Variants in FER observed in about 807,000 individuals in gnomAD.
FER encodes tyrosine-protein kinase Fer.
In FER, 63 loss-of-function variants were observed where a neutral mutation model predicts 111.0. That is an observed-to-expected ratio of 0.57 (90% confidence interval 0.46 to 0.70). FER has a LOEUF of 0.70. Among genes scored for constraint, FER ranks in the 30% least tolerant of loss-of-function variants. FER has a pLI of 0.00. For missense variants in FER, 914 were observed against 954.0 expected, an observed-to-expected ratio of 0.96 and a Z score of 0.55; for synonymous variants, 327 against 313.9, an observed-to-expected ratio of 1.04 and a Z score of -0.44.
intron 16 of FER, among the ~76,000 whole-genome samples, chr5:109,071,396 C>T (rs1054796279): frequency 1.3e-5 from 2 of 152,022 alleles, no homozygotes; most frequent in South Asian, 2.1e-4. Context: ...ATGCCCTTCT[C>T]ATTATATCAC....
At chr5:109,132,709 A>G (rs758680335) in intron 17 of FER, among the ~76,000 whole-genome samples, 2 of 152,186 alleles carry the variant, frequency 1.3e-5, no homozygotes, top group African/African-American at 4.8e-5. Flanking sequence ...ATCTCTGGGT[A>G]GAGGTTTGGA....
Position 108,798,290 on chromosome 5 carries a change from A to G in FER, c.108A>G (p.Ile36Met). 3.1e-6 allele frequency: 5 copies of G among 1,613,990 alleles called. No individual in the cohort carries two copies. The highest frequency in any genetic ancestry group is 4.2e-6 in the Non-Finnish European group (5 of 1,179,872). The change falls in exon 3 of 20, where the codon ATA (isoleucine) becomes ATG (methionine). Residue 36 changes from isoleucine to methionine, a missense_variant. Ile to Met is a conservative substitution (Grantham distance 10, BLOSUM62 1). Around this residue, in one of 3 missense-constraint regions of FER, gnomAD observed 774 missense variants for 782.6 expected, o/e 0.99. Coordinates refer to ENST00000281092, the MANE Select transcript of FER (RefSeq NM_005246.4). ...ETVKKFMALR[I>M]KSDKEYASTL... ...TAAAGAAATTTATGGCCCTGAGAAT[A>G]AAAAGTGATAAAGAATATGCATCTA...
At chr5:108,866,330 C>T (rs1374021740) in intron 5 of FER, among the ~76,000 whole-genome samples, 3 of 152,048 alleles carry the variant, frequency 2.0e-5, no homozygotes, top group Non-Finnish European at 2.9e-5. Flanking sequence ...CAGACTGTCA[C>T]AAGGACAAAA....
chr5:109,034,097 C>G (rs1770024921), intron 13 of FER, among the ~76,000 whole-genome samples: 1 of 152,172 alleles, frequency 6.6e-6, no homozygotes. Flanking sequence ...CTCCTCCCAT[C>G]TAACTGAGAC....
At chr5:108,855,699 A>G (rs1361927806) in intron 5 of FER, among the ~76,000 whole-genome samples, 1 of 152,212 alleles carries the variant, frequency 6.6e-6, no homozygotes, top group Non-Finnish European at 1.5e-5. Context: ...AGGAAGAGCA[A>G]GTGATCAACT....
intron 17 of FER, among the ~76,000 whole-genome samples, chr5:109,163,604 A>G (rs1207932222): frequency 6.6e-6 from 1 of 151,908 alleles, no homozygotes; most frequent in Non-Finnish European, 1.5e-5. Flanking sequence ...GTGATATCTC[A>G]TTGTGGTTTA....
chr5:108,847,962 G>A (rs1035100449), intron 5 of FER, among the ~76,000 whole-genome samples: 3 of 151,994 alleles, frequency 2.0e-5, no homozygotes, highest in Non-Finnish European at 2.9e-5. Context: ...ATCATAGCTC[G>A]CTGCAGCCTC....
chr5:108,909,412 C>G (rs1360180440), intron 10 of FER, among the ~76,000 whole-genome samples: 1 of 152,136 alleles, frequency 6.6e-6, no homozygotes. Flanking sequence ...GAAAGGTTTT[C>G]TCTATCACAG....
chr5:109,156,466 G>A (rs1466955981), intron 17 of FER, among the ~76,000 whole-genome samples: 3 of 151,962 alleles, frequency 2.0e-5, no homozygotes, highest in Non-Finnish European at 4.4e-5. Context: ...GAGCTATCTG[G>A]AGGCACCTAG....
chr5:109,033,058 C>G (rs191121113), intron 13 of FER, among the ~76,000 whole-genome samples: 32 of 152,278 alleles, frequency 2.1e-4, no homozygotes, highest in South Asian at 4.1e-4. Context: ...TCTGTCAACT[C>G]TATTCATTCC....
At chr5:108,868,975 A>G (rs1015629856) in intron 6 of FER, among the ~76,000 whole-genome samples, 5 of 152,018 alleles carry the variant, frequency 3.3e-5, no homozygotes, top group South Asian at 4.1e-4. Context: ...AGAGGTTGCA[A>G]ATTTTTTTGT....
intron 10 of FER, among the ~76,000 whole-genome samples, chr5:108,930,757 G>C (rs1315054132): frequency 6.7e-6 from 1 of 149,884 alleles, no homozygotes; most frequent in East Asian, 2.0e-4. Context: ...GGGAGTACAG[G>C]TGAGCAACAG....
intron 3 of FER, among the ~76,000 whole-genome samples, chr5:108,804,325 T>G (rs1756976664): frequency 6.6e-6 from 1 of 152,154 alleles, no homozygotes; most frequent in Non-Finnish European, 1.5e-5. Flanking sequence ...CCTTTTATTT[T>G]TTTCTCTTGC....
At chr5:109,095,427 C>A (rs1747377725) in intron 16 of FER, among the ~76,000 whole-genome samples, 1 of 152,168 alleles carries the variant, frequency 6.6e-6, no homozygotes, top group East Asian at 1.9e-4. Context: ...GTTCATGCTA[C>A]AAGCCATCAT....
At chr5:109,098,803 C>T (rs1214803697) in intron 16 of FER, among the ~76,000 whole-genome samples, 1 of 151,470 alleles carries the variant, frequency 6.6e-6, no homozygotes, top group Non-Finnish European at 1.5e-5. Context: ...AAAATTGACA[C>T]CGTTAAGTTT....
chr5:108,845,228 G>A (rs1761917213), intron 5 of FER, among the ~76,000 whole-genome samples: 1 of 150,890 alleles, frequency 6.6e-6, no homozygotes, highest in South Asian at 2.1e-4. Context: ...CTGGAGTACA[G>A]TGGCACCATC....
chr5:109,092,044 G>A (rs1746835683), intron 16 of FER, among the ~76,000 whole-genome samples: 1 of 151,870 alleles, frequency 6.6e-6, no homozygotes, highest in Non-Finnish European at 1.5e-5. Flanking sequence ...AGAGGACACG[G>A]CTTTCAAGGT....
chr5:108,863,720 A>C (rs1763755184), intron 5 of FER, among the ~76,000 whole-genome samples: 1 of 152,204 alleles, frequency 6.6e-6, no homozygotes, highest in Non-Finnish European at 1.5e-5. Context: ...AAACATTAAA[A>C]AAATTCAAAT....
chr5:109,052,701 C>T (rs1561831171), intron 16 of FER, among the ~76,000 whole-genome samples: 2 of 152,196 alleles, frequency 1.3e-5, no homozygotes, highest in South Asian at 2.1e-4. Flanking sequence ...AGATCAGGCA[C>T]ACCTGGATAA....
Sources: gnomAD v4.1 joint callset for allele counts (sites outside exome capture counted in the v4.1 genomes callset) on GRCh38, gnomAD v4.1.1 for gene constraint, gnomAD v4.1.1 regional missense constraint, MANE v1.5 for transcripts, NCBI Gene and HGNC (gene_info 2026-07-23, HGNC 2026-07-21) for gene names.